SLC24A2: variants seen among roughly 807,000 people sequenced by gnomAD.
The protein encoded by SLC24A2 is solute carrier family 24 member 2.
Under a neutral mutation model 62.0 loss-of-function variants are expected in SLC24A2, and 36 were observed. The ratio of observed to expected loss-of-function variants is 0.58; its 90% CI spans 0.44 to 0.77. The LOEUF is 0.77. Among genes scored for constraint, SLC24A2 ranks in the 30% least tolerant of loss-of-function variants. The probability of loss-of-function intolerance (pLI) is 0.00; values close to 1 mark genes in which losing one functional copy is unlikely to be tolerated. For synonymous variants in SLC24A2, 358 were observed against 294.0 expected (o/e 1.22, Z -2.23); for missense variants, 846 against 817.9 (o/e 1.03, Z -0.42).
At chr9:19,858,846 T>G in the SLC24A2 span, among the ~76,000 whole-genome samples, 1 of 152,026 alleles carries the variant, frequency 6.6e-6, no homozygotes, top group Non-Finnish European at 1.5e-5. Flanking sequence ...AGTCAAAAAA[T>G]AGCAGATGCT....
chr9:20,138,896 C>T, the SLC24A2 span, among the ~76,000 whole-genome samples: 15 of 152,316 alleles, frequency 9.8e-5, no homozygotes, highest in African/African-American at 2.9e-4. Flanking sequence ...ATTGATGATG[C>T]CAATTCAAAG....
intron 2 of SLC24A2, among the ~76,000 whole-genome samples, chr9:19,752,208 G>A (rs946844424): frequency 6.6e-6 from 1 of 152,082 alleles, no homozygotes; most frequent in Non-Finnish European, 1.5e-5. Context: ...ACTTGATCCA[G>A]GATGGAGCTA....
At position 19,510,057 on chromosome 9, in the gene SLC24A2, G is replaced by A. The variant is rs1404213891; in HGVS notation, c.*6096C>T. On this transcript the variant is annotated 3_prime_UTR_variant, in exon 11 of 11. Coordinates refer to ENST00000341998, the MANE Select transcript of SLC24A2 (RefSeq NM_020344.4). ...TTGATAAATTAGTGGGTAAGTACAGGCCCAGAGTTTTGGAGTAATCTAAAG... is the reference window on the plus strand; with the variant it reads ...TTGATAAATTAGTGGGTAAGTACAGACCCAGAGTTTTGGAGTAATCTAAAG... The A allele has an allele frequency of 6.6e-6, 1 of 152,010 alleles. No homozygotes were observed. The highest frequency in any genetic ancestry group is 1.9e-4 in the East Asian group (1 of 5,188). The allele number at this position is 152,010 out of a possible 1,614,324, so 9.4% of individuals were successfully genotyped here.
intron 2 of SLC24A2, among the ~76,000 whole-genome samples, chr9:19,643,390 C>T (rs1184745766): frequency 6.6e-6 from 1 of 151,892 alleles, no homozygotes; most frequent in Admixed American, 6.6e-5. Flanking sequence ...TTGACAAGTC[C>T]CTGATATTCC....
chr9:19,602,677 G>A (rs1450299455), intron 4 of SLC24A2, among the ~76,000 whole-genome samples: 1 of 152,174 alleles, frequency 6.6e-6, no homozygotes, highest in Non-Finnish European at 1.5e-5. Context: ...AAAAGAGTGT[G>A]TTCTGGGGTC....
chr9:19,678,686 G>T (rs1179127326), intron 2 of SLC24A2, among the ~76,000 whole-genome samples: 1 of 152,134 alleles, frequency 6.6e-6, no homozygotes, highest in Non-Finnish European at 1.5e-5. Context: ...GAAATTAGGT[G>T]AATCTGCTAA....
At chr9:20,135,475 G>GT in the SLC24A2 span, among the ~76,000 whole-genome samples, 1 of 151,850 alleles carries the variant, frequency 6.6e-6, no homozygotes, top group Non-Finnish European at 1.5e-5. Context: ...TTAGCTTATC[G>GT]TGGGGTAAGT....
intron 2 of SLC24A2, among the ~76,000 whole-genome samples, chr9:19,707,654 C>A (rs1421267973): frequency 6.6e-6 from 1 of 152,118 alleles, no homozygotes; most frequent in Non-Finnish European, 1.5e-5. Flanking sequence ...AGACAAAAAC[C>A]ACATGATTAT....
the SLC24A2 span, among the ~76,000 whole-genome samples, chr9:20,266,541 A>ATT: frequency 6.8e-6 from 1 of 148,060 alleles, no homozygotes; most frequent in African/African-American, 2.5e-5. Flanking sequence ...GACCTCAGTA[A>ATT]TTTTTTTTTT....
intron 2 of SLC24A2, among the ~76,000 whole-genome samples, chr9:19,633,322 C>G (rs1346816857): frequency 6.6e-6 from 1 of 152,144 alleles, no homozygotes; most frequent in Non-Finnish European, 1.5e-5. Flanking sequence ...CCCAAGAGTA[C>G]AATTGCTGGA....
At chr9:20,242,459 C>T in the SLC24A2 span, among the ~76,000 whole-genome samples, 2 of 152,186 alleles carry the variant, frequency 1.3e-5, no homozygotes, top group South Asian at 4.1e-4. Context: ...TAATGTGCTT[C>T]ATATGTTCAG....
At chr9:19,803,476 A>G in the SLC24A2 span, among the ~76,000 whole-genome samples, 78 of 152,318 alleles carry the variant, frequency 5.1e-4, no homozygotes, top group East Asian at 0.011. Flanking sequence ...TGGACTTTAC[A>G]TAGTTGTACC....
At chr9:20,068,361 C>T in the SLC24A2 span, among the ~76,000 whole-genome samples, 1 of 152,088 alleles carries the variant, frequency 6.6e-6, no homozygotes, top group Non-Finnish European at 1.5e-5. Context: ...CGCACCTAGC[C>T]TTCTTGACTT....
At chr9:19,556,102 G>A (rs905741388) in intron 7 of SLC24A2, among the ~76,000 whole-genome samples, 2 of 152,194 alleles carry the variant, frequency 1.3e-5, no homozygotes, top group Non-Finnish European at 2.9e-5. Context: ...AGTTTCACGG[G>A]TCACTCAGCA....
chr9:19,573,517 C>G (rs540874722), intron 6 of SLC24A2, 48 bp from the exon 7 acceptor site: 44,481 of 297,106 alleles, frequency 0.15, 1,683 homozygotes, highest in African/African-American at 0.21. Flanking sequence ...CACACACACA[C>G]ACACACACAC....
the SLC24A2 span, among the ~76,000 whole-genome samples, chr9:19,890,508 T>A: frequency 9.9e-5 from 15 of 152,210 alleles, no homozygotes; most frequent in African/African-American, 3.4e-4. Context: ...AAATACAAGG[T>A]CTCTGGTTTT....
At chr9:20,066,381 GAAGA>G in the SLC24A2 span, among the ~76,000 whole-genome samples, 1 of 152,134 alleles carries the variant, frequency 6.6e-6, no homozygotes, top group African/African-American at 2.4e-5. Context: ...GAGGGAGAGA[GAAGA>G]AAGATCACAG....
chr9:20,022,577 C>T, the SLC24A2 span, among the ~76,000 whole-genome samples: 1 of 152,182 alleles, frequency 6.6e-6, no homozygotes, highest in Admixed American at 6.5e-5. Context: ...TGTCCCTCGT[C>T]CACGTGCTTA....
chr9:19,567,502 T>A (rs1289469758), intron 7 of SLC24A2, among the ~76,000 whole-genome samples: 2 of 136,544 alleles, frequency 1.5e-5, no homozygotes, highest in South Asian at 4.4e-4. Context: ...GCCGAGATAG[T>A]GCCACTGCAC....
Sources: allele counts gnomAD v4.1 joint callset (sites outside exome capture counted in the v4.1 genomes callset), GRCh38; gene constraint gnomAD v4.1.1; transcripts MANE v1.5; gene names NCBI Gene and HGNC (gene_info 2026-07-23, HGNC 2026-07-21).